Variants in ATP11A observed in about 807,000 individuals in gnomAD.
The protein encoded by ATP11A is ATPase phospholipid transporting 11A, also known as phospholipid-transporting ATPase IH.
ATP11A carries 81 observed loss-of-function variants against 154.4 expected under a neutral mutation model. That is an observed-to-expected ratio of 0.52 (90% CI 0.44 to 0.63). The LOEUF (loss-of-function observed/expected upper bound fraction) is 0.63. Ranked by LOEUF, ATP11A falls within the 30% of genes least tolerant of loss-of-function variation. The pLI, the probability that ATP11A is intolerant of heterozygous loss-of-function variation, is 0.00. For synonymous variants in ATP11A, 623 were observed against 585.9 expected, an observed-to-expected ratio of 1.06 and a Z score of -0.91; for missense variants, 1,316 against 1,474.3, an observed-to-expected ratio of 0.89 and a Z score of 1.76.
chr13:112,878,022 T>C (rs1018324737), intron 28 of ATP11A, among the ~76,000 whole-genome samples, 195 bp from the exon 29 acceptor site: 2 of 151,734 alleles, frequency 1.3e-5, no homozygotes, highest in African/African-American at 4.8e-5. Context: ...GGCTGGCGGG[T>C]CACGGTGGGG....
At chr13:112,723,748 G>C (rs1371564495) in intron 1 of ATP11A, among the ~76,000 whole-genome samples, 1 of 152,094 alleles carries the variant, frequency 6.6e-6, no homozygotes, top group African/African-American at 2.4e-5. Context: ...CATTCAGTCG[G>C]AAGGGGCTTA....
intron 19 of ATP11A, among the ~76,000 whole-genome samples, chr13:112,855,262 A>G (rs928824706): frequency 6.6e-6 from 1 of 152,148 alleles, no homozygotes; most frequent in African/African-American, 2.4e-5. Flanking sequence ...GCTGGAGTGC[A>G]GTGATCTTGG....
intron 4 of ATP11A, among the ~76,000 whole-genome samples, chr13:112,809,952 G>A (rs939500859): frequency 6.6e-6 from 1 of 152,200 alleles, no homozygotes; most frequent in Non-Finnish European, 1.5e-5. Flanking sequence ...CGGGGTCAGG[G>A]TTAGCTCAGG....
rs1225988196 is a variant in ATP11A, at chr13:112,885,903, C to T, written c.*4037C>T. The stretch of plus-strand genomic sequence containing the variant: ...GGGTGAAGTCGCAGCTTCACTTACA[C>T]CAGCTGCTCTGTGAGCAAGGCTTGG... On this transcript the variant is annotated 3_prime_UTR_variant, in exon 30 of 30. Transcript: ENST00000375645. 2 of 152,326 alleles carry T rather than the reference C, an allele frequency of 1.3e-5. No individual in the cohort carries two copies. The highest frequency in any genetic ancestry group is 4.8e-5 in the African/African-American group (2 of 41,476). 9.4% of individuals were successfully genotyped at this position (152,326 alleles called of 1,614,324 possible).
rs1885050733 is a variant in ATP11A at position 112,690,692 on chromosome 13, C to T, written c.39+237C>T. Among the ~76,000 whole-genome samples, 1 of 151,834 alleles carries T rather than the reference C, an allele frequency of 6.6e-6. No homozygotes were observed. On this transcript the variant is annotated intron_variant, in intron 1 of 29. Coordinates refer to ENST00000375645, the MANE Select transcript of ATP11A (RefSeq NM_015205.3). This position sits in a 1 kb window ranked among gnomAD's most constrained non-coding sequence, Gnocchi z 5.6. ...GCGGGGCCCCAGCCCCGGGCGGCCA[C>T]CTGCTCCCTGGCCGCGGCCGCCTGG...
rs2078470676 is a variant in ATP11A, at chr13:112,810,782, A to C, written c.441+56A>C. 6 of 1,538,952 alleles carry C rather than the reference A, an allele frequency of 3.9e-6. No individual in the cohort carries two copies. In the Admixed American group the frequency reaches 1.0e-4, roughly 26 times the overall value. ...GAAGTCCAGTAACTGTTTAAAAAAT[A>C]AGTTTTACCCAGGTGCAGTGGCTCG... On this transcript the variant is annotated intron_variant, in intron 5 of 29. Coordinates refer to ENST00000375645, the MANE Select transcript of ATP11A (RefSeq NM_015205.3).
Position 112,785,138 on chromosome 13 carries a change from G to A in ATP11A, c.43G>A (p.Ala15Thr), listed in dbSNP as rs1456297784. The change falls in exon 2 of 30, where the codon GCA (alanine) becomes ACA (threonine). Residue 15 changes from alanine (A) to threonine (T), a missense_variant. Physicochemically the swap from Ala to Thr is moderately conservative, Grantham distance 58. Around this residue, in one of 5 missense-constraint regions of ATP11A, gnomAD observed 123 missense variants for 113.7 expected, o/e 1.08. Coordinates refer to ENST00000375645, the MANE Select transcript of ATP11A (RefSeq NM_015205.3). The surrounding 1 kb of genome is among the most constrained non-coding windows in gnomAD (Gnocchi z 4.8). ...LVRTLVHRYC[A>T]GEENWVDSRT... ...AACACCGCTCTCCTTTCCGCAGTGT[G>A]CAGGAGAAGAGAATTGGGTGGACAG... is the stretch of plus-strand genomic sequence containing the variant. 3 of 1,536,076 alleles carry A rather than the reference G, an allele frequency of 2.0e-6. No homozygotes were observed. Among genetic ancestry groups the A allele is most frequent in the Non-Finnish European group, 2.6e-6 (3 of 1,143,230 alleles).
intron 15 of ATP11A, among the ~76,000 whole-genome samples, chr13:112,835,054 C>T (rs1434659883): frequency 2.0e-5 from 3 of 152,274 alleles, no homozygotes; most frequent in African/African-American, 7.2e-5. Flanking sequence ...GGCCATGAGT[C>T]CCGCAGGGAG....
intron 1 of ATP11A, among the ~76,000 whole-genome samples, chr13:112,776,024 C>T (rs538683788): frequency 6.6e-6 from 1 of 152,348 alleles, no homozygotes; most frequent in South Asian, 2.1e-4. Context: ...GACCCCTTCC[C>T]GCCTCCCTGG....
At chr13:112,706,164 C>G (rs1327599796) in intron 1 of ATP11A, among the ~76,000 whole-genome samples, 2 of 152,042 alleles carry the variant, frequency 1.3e-5, no homozygotes, top group Non-Finnish European at 2.9e-5. Context: ...CGTTTAAATG[C>G]AGGATGGACC....
chr13:112,739,422 G>C (rs1891310341), intron 1 of ATP11A, among the ~76,000 whole-genome samples: 1 of 152,190 alleles, frequency 6.6e-6, no homozygotes, highest in South Asian at 2.1e-4. Context: ...AAAACTTTAT[G>C]CTTCATACCC....
In ATP11A at chr13:112,854,913, C is replaced by G. The variant is rs140106152; in HGVS notation, c.2243+383C>G. Among the ~76,000 whole-genome samples the G allele has an allele frequency of 9.7e-4, 148 of 152,356 alleles. 1 individual carries two copies. The East Asian group carries it at 0.027, about 28-fold the overall frequency. On this transcript the variant is annotated intron_variant, in intron 19 of 29. Transcript: ENST00000375645. ...GGAGGAAGTGGAGATATTAATAATG[C>G]ATGGTTGTTCGTCTAAGACGAAGCA...
At chr13:112,775,472 C>T (rs1475489171) in intron 1 of ATP11A, among the ~76,000 whole-genome samples, 2 of 152,190 alleles carry the variant, frequency 1.3e-5, no homozygotes, top group Admixed American at 6.5e-5. Context: ...CAGGACATGC[C>T]TCCTCTAAAG....
chr13:112,768,619 A>G (rs1174505556), intron 1 of ATP11A, among the ~76,000 whole-genome samples: 1 of 152,194 alleles, frequency 6.6e-6, no homozygotes, highest in Admixed American at 6.5e-5. Context: ...TGGAAGGTAT[A>G]TAATTTCCGT....
At chr13:112,788,032 C>CCCGG (rs2077703744) in intron 2 of ATP11A, among the ~76,000 whole-genome samples, 1 of 150,164 alleles carries the variant, frequency 6.7e-6, no homozygotes, top group Non-Finnish European at 1.5e-5. Flanking sequence ...TTAATTCACA[C>CCCGG]CAAGTGTCCT....
At chr13:112,723,068 G>T (rs1889381982) in intron 1 of ATP11A, among the ~76,000 whole-genome samples, 1 of 152,006 alleles carries the variant, frequency 6.6e-6, no homozygotes, top group South Asian at 2.1e-4. Flanking sequence ...TCAGCCACAG[G>T]GTCAAAGAGC....
Position 112,834,616 on chromosome 13 carries a change from G to A in ATP11A, c.1587G>A (p.Lys529=), listed in dbSNP as rs1284133082. The change falls in exon 15 of 30, where the codon AAG becomes AAA. Residue 529 remains lysine, a synonymous_variant. Transcript: ENST00000375645. ...QRLGFTYLRL[K]DNYMEILNRE... Reference sequence around the variant, plus strand: ...TTGGCTTTACCTACCTAAGGCTGAAGGACAATTACATGGAGATATTAAACA... The same window carrying A: ...TTGGCTTTACCTACCTAAGGCTGAAAGACAATTACATGGAGATATTAAACA... 5.6e-6 allele frequency: 9 copies of A among 1,613,892 alleles called. No homozygotes were observed. The highest frequency in any genetic ancestry group is 7.6e-6 in the Non-Finnish European group (9 of 1,179,912).
intron 1 of ATP11A, among the ~76,000 whole-genome samples, chr13:112,725,609 G>A (rs542635584): frequency 1.3e-5 from 2 of 152,316 alleles, no homozygotes; most frequent in African/African-American, 2.4e-5. Context: ...AGCTTTTCTC[G>A]TGTGTAGTAA....
intron 2 of ATP11A, among the ~76,000 whole-genome samples, chr13:112,792,440 TAA>T (rs1315856032): frequency 6.6e-6 from 1 of 151,962 alleles, no homozygotes; most frequent in African/African-American, 2.4e-5. Context: ...GATTTCTACC[TAA>T]AAAAAAGAAA....
Sources: gnomAD v4.1 joint callset for allele counts (sites outside exome capture counted in the v4.1 genomes callset) on GRCh38, gnomAD v4.1.1 for gene constraint, gnomAD v4.1.1 regional missense constraint, Gnocchi (gnomAD v3.1) non-coding constraint, MANE v1.5 for transcripts, NCBI Gene and HGNC (gene_info 2026-07-23, HGNC 2026-07-21) for gene names.